The following EXOC6B variants were observed in gnomAD, a reference collection of about 807,000 sequenced individuals.
EXOC6B encodes the protein exocyst complex component 6B, also known as SEC15 homolog B.
In EXOC6B, 54 loss-of-function variants were observed where a neutral mutation model predicts 113.5. The observed-to-expected ratio is 0.48, with a 90% CI of 0.38 to 0.60. The LOEUF is 0.60. Among genes scored for constraint, EXOC6B ranks in the 20% least tolerant of loss-of-function variants. EXOC6B has a pLI of 0.00. For missense variants in EXOC6B, 797 were observed against 977.5 expected, an observed-to-expected ratio of 0.82 and a Z score of 2.46; for synonymous variants, 357 against 339.0, an observed-to-expected ratio of 1.05 and a Z score of -0.58.
Position 72,801,320 on chromosome 2 carries a change from T to A in EXOC6B, c.113+24478A>T, listed in dbSNP as rs368350117. ...TTTAGTACTTGCAAATAATTTATAATTAAAGACACTTAAAAGAAGATAAGT... is the reference window on the plus strand; with the variant it reads ...TTTAGTACTTGCAAATAATTTATAAATAAAGACACTTAAAAGAAGATAAGT... On this transcript the variant is annotated intron_variant, in intron 1 of 21. Coordinates refer to ENST00000272427, the MANE Select transcript of EXOC6B (RefSeq NM_015189.3). 5.9e-5 allele frequency among the ~76,000 whole-genome samples: 9 copies of A among 152,298 alleles called. No homozygotes were observed. The South Asian group carries it at 1.7e-3, about 28-fold the overall frequency.
intron 6 of EXOC6B, among the ~76,000 whole-genome samples, chr2:72,651,098 G>GCGAA (rs1314413479): frequency 3.3e-5 from 5 of 152,140 alleles, no homozygotes; most frequent in Non-Finnish European, 5.9e-5. Flanking sequence ...CCTAATCTGA[G>GCGAA]CGTTCACTAT....
At chr2:72,550,914 T>A (rs534876659) in intron 8 of EXOC6B, among the ~76,000 whole-genome samples, 130 of 149,172 alleles carry the variant, frequency 8.7e-4, no homozygotes, top group Admixed American at 1.7e-3. Flanking sequence ...ATTTATTTTT[T>A]TTTTATTTTT....
chr2:72,251,906 A>G (rs1336993626), intron 20 of EXOC6B, among the ~76,000 whole-genome samples: 1 of 152,098 alleles, frequency 6.6e-6, no homozygotes, highest in Non-Finnish European at 1.5e-5. Context: ...TTACCAACAA[A>G]TCTATCAGCA....
In EXOC6B at chr2:72,733,090, A is replaced by C; in HGVS notation, c.308T>G (p.Leu103Arg). Residue 103 changes from leucine (L) to arginine (R), a missense_variant, in exon 3 of 22, where the codon CTA becomes CGA. Physicochemically the swap from Leu to Arg is moderately radical, Grantham distance 102. Coordinates refer to ENST00000272427, the MANE Select transcript of EXOC6B (RefSeq NM_015189.3). ...KNQVTDTNRK[L>R]QHEGKELVIA... ...TCTTACTTCCTTTCCCTCATGTTGT[A>C]GTTTTCTATTAGTATCCGTCACTTG... 1 of 1,594,110 alleles carries C rather than the reference A, an allele frequency of 6.3e-7. No individual in the cohort carries two copies. The highest frequency in any genetic ancestry group is 2.2e-5 in the East Asian group (1 of 44,504).
chr2:72,380,336 C>T (rs967913727), intron 18 of EXOC6B, among the ~76,000 whole-genome samples: 8 of 152,100 alleles, frequency 5.3e-5, no homozygotes, highest in Non-Finnish European at 1.0e-4. Flanking sequence ...TGATTTAACA[C>T]ATATAAAGTG....
chr2:72,572,298 C>T (rs1704560861), intron 7 of EXOC6B, among the ~76,000 whole-genome samples: 1 of 152,148 alleles, frequency 6.6e-6, no homozygotes, highest in Non-Finnish European at 1.5e-5. Flanking sequence ...AATGCAGACT[C>T]AGACTCATTC....
At chr2:72,563,141 T>A (rs1558799219) in intron 7 of EXOC6B, among the ~76,000 whole-genome samples, 3 of 152,152 alleles carry the variant, frequency 2.0e-5, no homozygotes, top group African/African-American at 7.2e-5. Flanking sequence ...ATACATTTTT[T>A]AATAACGGAT....
chr2:72,376,892 T>C (rs138506801), intron 19 of EXOC6B, among the ~76,000 whole-genome samples: 2 of 149,818 alleles, frequency 1.3e-5, no homozygotes, highest in Non-Finnish European at 3.0e-5. Flanking sequence ...TGAGTTTTGT[T>C]AGAAGGCATT....
intron 20 of EXOC6B, among the ~76,000 whole-genome samples, chr2:72,197,402 G>T (rs938542739): frequency 2.0e-5 from 3 of 152,266 alleles, no homozygotes. Flanking sequence ...AAAGCAGAGG[G>T]CATATAAAGG....
chr2:72,293,526 G>A (rs972173981), intron 20 of EXOC6B, among the ~76,000 whole-genome samples: 7 of 152,092 alleles, frequency 4.6e-5, no homozygotes, highest in African/African-American at 1.7e-4. Context: ...TTCCTAAGTA[G>A]ATAGGAATTG....
At chr2:72,493,090 T>C (rs996344664) in intron 15 of EXOC6B, among the ~76,000 whole-genome samples, 2 of 152,130 alleles carry the variant, frequency 1.3e-5, no homozygotes, top group Non-Finnish European at 2.9e-5. Context: ...GGTTCTATAT[T>C]GTCATGCTAG....
intron 10 of EXOC6B, among the ~76,000 whole-genome samples, chr2:72,513,553 T>C (rs559762385): frequency 3.3e-5 from 5 of 152,052 alleles, no homozygotes; most frequent in African/African-American, 9.6e-5. Context: ...GTAGAGGTAA[T>C]GGAGGCAAAT....
intron 20 of EXOC6B, among the ~76,000 whole-genome samples, chr2:72,314,051 C>T (rs1245877357): frequency 6.6e-6 from 1 of 152,138 alleles, no homozygotes; most frequent in South Asian, 2.1e-4. Context: ...CCTAATTAGC[C>T]CTAAATAGCT....
At chr2:72,623,226 G>C (rs1039720507) in intron 6 of EXOC6B, among the ~76,000 whole-genome samples, 1 of 151,990 alleles carries the variant, frequency 6.6e-6, no homozygotes, top group African/African-American at 2.4e-5. Flanking sequence ...CTACAGTGGG[G>C]TGTTCTCTTC....
intron 7 of EXOC6B, among the ~76,000 whole-genome samples, chr2:72,571,869 T>C (rs1704532778): frequency 1.3e-5 from 2 of 152,174 alleles, no homozygotes; most frequent in South Asian, 4.1e-4. Flanking sequence ...CCTTATTCCA[T>C]GATCTCCTCT....
chr2:72,249,097 C>T (rs1295827808), intron 20 of EXOC6B, among the ~76,000 whole-genome samples: 1 of 152,094 alleles, frequency 6.6e-6, no homozygotes. Context: ...GAGCGTGTGC[C>T]TCCAAAACAA....
chr2:72,476,641 T>C (rs1369519803), intron 17 of EXOC6B, among the ~76,000 whole-genome samples: 1 of 145,826 alleles, frequency 6.9e-6, no homozygotes, highest in African/African-American at 2.7e-5. Context: ...ACTTTCATCT[T>C]TTCTTTTCCT....
chr2:72,756,554 T>C (rs752944081), intron 1 of EXOC6B, among the ~76,000 whole-genome samples: 3 of 152,228 alleles, frequency 2.0e-5, no homozygotes, highest in Non-Finnish European at 4.4e-5. Context: ...ATTTTATTAC[T>C]GCACTATCAT....
intron 1 of EXOC6B, among the ~76,000 whole-genome samples, chr2:72,748,069 G>A (rs961120776): frequency 1.3e-5 from 2 of 151,982 alleles, no homozygotes; most frequent in African/African-American, 4.8e-5. Flanking sequence ...AGGATTTCTA[G>A]TTGTTTCAGA....
Sources: allele counts gnomAD v4.1 joint callset (sites outside exome capture counted in the v4.1 genomes callset), GRCh38; gene constraint gnomAD v4.1.1; transcripts MANE v1.5; gene names NCBI Gene and HGNC (gene_info 2026-07-23, HGNC 2026-07-21).